LDHB: variants seen among roughly 807,000 people sequenced by gnomAD.
The protein encoded by LDHB is lactate dehydrogenase B.
In LDHB, 18 loss-of-function variants were observed where a neutral mutation model predicts 33.4. The ratio of observed to expected loss-of-function variants is 0.54; its 90% CI spans 0.37 to 0.80. The LOEUF (loss-of-function observed/expected upper bound fraction) is 0.80. Ranked by LOEUF, LDHB falls within the 30% of genes least tolerant of loss-of-function variation. The pLI is 0.00. For synonymous variants in LDHB, 121 were observed against 140.6 expected (o/e 0.86, Z 0.98); for missense variants, 345 against 407.9 (o/e 0.85, Z 1.33).
intron 5 of LDHB, among the ~76,000 whole-genome samples, chr12:21,641,648 T>C (rs575259873): frequency 2.2e-4 from 34 of 152,248 alleles, no homozygotes; most frequent in African/African-American, 7.0e-4. Context: ...TTTTGGGAAG[T>C]GTACTGTGGT....
chr12:21,643,246 C>T (rs1444489818), intron 4 of LDHB, among the ~76,000 whole-genome samples: 2 of 152,218 alleles, frequency 1.3e-5, no homozygotes, highest in Non-Finnish European at 2.9e-5. Context: ...AGTTTCTTTA[C>T]TATTTTCTCA....
intron 2 of LDHB, among the ~76,000 whole-genome samples, chr12:21,648,536 G>GT (rs1169443122): frequency 1.9e-3 from 1 of 530 alleles, no homozygotes; most frequent in African/African-American, 2.0e-3. Context: ...GGGTATTAAT[G>GT]GGGGGGAGGG....
chr12:21,652,710 C>T (rs1938727773), intron 2 of LDHB, among the ~76,000 whole-genome samples: 2 of 148,682 alleles, frequency 1.3e-5, no homozygotes, highest in South Asian at 4.3e-4. Flanking sequence ...TAGGGAGCTG[C>T]TATCCTAAAT....
chr12:21,635,612 T>C lies in LDHB; in HGVS notation c.935A>G (p.Asp312Gly). 1.2e-6 allele frequency: 2 copies of C among 1,613,430 alleles called. No homozygotes were observed. The highest frequency in any genetic ancestry group is 8.5e-7 in the Non-Finnish European group (1 of 1,179,940). Reference protein sequence around the residue: ...TSVINQKLKDDEVAQLKKSAD... With the variant: ...TSVINQKLKDGEVAQLKKSAD... ...ACTTTTCTTGAGCTGAGCAACCTCATCATCCTTTAGCTTCTGGTTGATAAC... is the reference window on the plus strand; with the variant it reads ...ACTTTTCTTGAGCTGAGCAACCTCACCATCCTTTAGCTTCTGGTTGATAAC... The change falls in exon 8 of 8, where the codon GAT becomes GGT. Residue 312 changes from aspartate (D) to glycine (G), a missense_variant. By Grantham distance (94) the Asp-to-Gly change is moderately conservative. Transcript: ENST00000350669.
rs1304175400 is a variant in LDHB at position 21,635,447 on chromosome 12, C to A, written c.*95G>T. 1 of 1,053,740 alleles carries A rather than the reference C, an allele frequency of 9.5e-7. No homozygotes were observed. The highest frequency in any genetic ancestry group is 1.3e-5 in the South Asian group (1 of 78,854). The allele number at this position is 1,053,740 out of a possible 1,614,324, so 65.3% of individuals were successfully genotyped here. A position where few individuals can be genotyped will look rare whatever the true frequency, so the allele number is the denominator to read the frequency against. On this transcript the variant is annotated 3_prime_UTR_variant, in exon 8 of 8. Transcript: ENST00000350669. ...CCCAAATTCACATATTGAAGAAGAT[C>A]AAAGCAAACTGTGATCCATGTACAT...
intron 5 of LDHB, among the ~76,000 whole-genome samples, chr12:21,639,615 C>G (rs897850287): frequency 5.7e-4 from 87 of 152,096 alleles, no homozygotes; most frequent in Non-Finnish European, 1.1e-3. Context: ...GTACTAAGTA[C>G]TTTTTACATA....
rs1938905562 is a variant in LDHB at position 21,657,811 on chromosome 12, G to C, written c.-67C>G. 1 of 152,502 alleles carries C rather than the reference G, an allele frequency of 6.6e-6. No individual in the cohort carries two copies. The highest frequency in any genetic ancestry group is 1.5e-5 in the Non-Finnish European group (1 of 68,258). 9.4% of individuals were successfully genotyped at this position (152,502 alleles called of 1,614,324 possible). On this transcript the variant is annotated 5_prime_UTR_variant, in exon 1 of 8. Transcript: ENST00000350669. ...TCGTGCGGAGAAGACAAAGTCAGCTGCGTGCGTCTCCTCCGGCGCCGGCTC... is the reference window on the plus strand; with the variant it reads ...TCGTGCGGAGAAGACAAAGTCAGCTCCGTGCGTCTCCTCCGGCGCCGGCTC...
intron 1 of LDHB, 30 bp downstream of exon 1, chr12:21,657,721 C>A: frequency 6.6e-6 from 1 of 152,538 alleles, no homozygotes; most frequent in Non-Finnish European, 1.5e-5. Flanking sequence ...GCCTGTGGGC[C>A]AGGATTCAGG....
chr12:21,654,710 AT>A, intron 1 of LDHB, 33 bp from the exon 2 acceptor site: 1 of 1,543,530 alleles, frequency 6.5e-7, no homozygotes, highest in South Asian at 1.1e-5. Flanking sequence ...TTACACGTAT[AT>A]CTGCATATGA....
rs1938906194 is a variant in LDHB, at chr12:21,657,821, C to G, written c.-77G>C. On this transcript the variant is annotated 5_prime_UTR_variant, in exon 1 of 8. Transcript: ENST00000350669. ...AAGACAAAGTCAGCTGCGTGCGTCT[C>G]CTCCGGCGCCGGCTCTGCAAGGAGG... is the stretch of plus-strand genomic sequence containing the variant. The G allele has an allele frequency of 6.6e-6, 1 of 152,524 alleles. No homozygotes were observed. The highest frequency in any genetic ancestry group is 2.4e-5 in the African/African-American group (1 of 41,484). The allele number at this position is 152,524 out of a possible 1,614,324, so 9.4% of individuals were successfully genotyped here.
chr12:21,653,027 TTTG>T (rs1170268342), intron 2 of LDHB, among the ~76,000 whole-genome samples: 2 of 152,172 alleles, frequency 1.3e-5, no homozygotes, highest in African/African-American at 4.8e-5. Context: ...AGGCAGCATT[TTTG>T]TTGTTGTTTC....
chr12:21,642,650 T>C (rs1365048274), intron 4 of LDHB, among the ~76,000 whole-genome samples: 2 of 152,194 alleles, frequency 1.3e-5, no homozygotes, highest in African/African-American at 4.8e-5. Flanking sequence ...AGAACATCTA[T>C]GTCAGAACCT....
intron 2 of LDHB, among the ~76,000 whole-genome samples, chr12:21,652,131 A>T (rs1938707559): frequency 1.3e-5 from 2 of 152,234 alleles, no homozygotes; most frequent in South Asian, 4.1e-4. Flanking sequence ...TACTTCTTAT[A>T]GAATCATGAT....
At chr12:21,640,731 G>C (rs537943349) in intron 5 of LDHB, among the ~76,000 whole-genome samples, 3 of 152,082 alleles carry the variant, frequency 2.0e-5, no homozygotes, top group South Asian at 4.2e-4. Flanking sequence ...AAGGAAACAG[G>C]GCTCATTAGG....
chr12:21,653,939 C>A (rs574370203), intron 2 of LDHB, among the ~76,000 whole-genome samples: 1 of 152,224 alleles, frequency 6.6e-6, no homozygotes, highest in East Asian at 1.9e-4. Flanking sequence ...CCACTTGAAC[C>A]AGGGGATTAA....
chr12:21,640,267 ATAAT>A (rs1045866579), intron 5 of LDHB, among the ~76,000 whole-genome samples: 15 of 151,680 alleles, frequency 9.9e-5, no homozygotes, highest in East Asian at 3.9e-4. Context: ...TGTTCAAAGA[ATAAT>A]TAATTTAAAT....
intron 2 of LDHB, among the ~76,000 whole-genome samples, chr12:21,652,782 T>C (rs779212779): frequency 6.6e-6 from 1 of 152,178 alleles, no homozygotes; most frequent in Non-Finnish European, 1.5e-5. Context: ...GGAGCTGCTA[T>C]CCTAAATGAC....
intron 5 of LDHB, among the ~76,000 whole-genome samples, chr12:21,640,363 T>C (rs1256789722): frequency 6.6e-6 from 1 of 151,814 alleles, no homozygotes; most frequent in Non-Finnish European, 1.5e-5. Flanking sequence ...AAAAGTGTAA[T>C]GTGATTTTAA....
At chr12:21,656,802 T>TAA (rs1400710489) in intron 1 of LDHB, among the ~76,000 whole-genome samples, 2 of 152,170 alleles carry the variant, frequency 1.3e-5, no homozygotes, top group African/African-American at 4.8e-5. Context: ...CGACAAACGG[T>TAA]AAAAATCTCT....
Sources: gnomAD v4.1 joint callset for allele counts (sites outside exome capture counted in the v4.1 genomes callset) on GRCh38, gnomAD v4.1.1 for gene constraint, MANE v1.5 for transcripts, NCBI Gene and HGNC (gene_info 2026-07-23, HGNC 2026-07-21) for gene names.